The following ATAD5 variants were observed in gnomAD, a reference collection of about 807,000 sequenced individuals.
ATAD5 encodes the protein ATPase family AAA domain containing 5.
ATAD5 carries 58 observed loss-of-function variants against 176.9 expected under a neutral mutation model. That is an observed-to-expected ratio of 0.33 (90% CI 0.27 to 0.41). The LOEUF is 0.41. Ranked by LOEUF, ATAD5 falls within the 10% of genes least tolerant of loss-of-function variation. The pLI, the probability that ATAD5 is intolerant of heterozygous loss-of-function variation, is 1.00. For missense variants in ATAD5, 1,789 were observed against 2,094.1 expected (o/e 0.85, Z 2.84); for synonymous variants, 640 against 712.6 (o/e 0.90, Z 1.62).
chr17:30,876,702 C>CTTT (rs202065630), intron 15 of ATAD5, 152 bp downstream of exon 15: 47 of 127,760 alleles, frequency 3.7e-4, no homozygotes, highest in South Asian at 7.7e-4. Context: ...ATTTTGTTTC[C>CTTT]TTTTTTTTTT....
At chr17:30,869,739 T>A (rs962802431) in intron 14 of ATAD5, 93 bp downstream of exon 14, 64 of 1,401,724 alleles carry the variant, frequency 4.6e-5, no homozygotes, top group Non-Finnish European at 6.1e-5. Context: ...CATTTATTTT[T>A]TATCTTCTAC....
At chr17:30,845,460 CTG>C (rs1302212950) in intron 6 of ATAD5, among the ~76,000 whole-genome samples, 1 of 152,130 alleles carries the variant, frequency 6.6e-6, no homozygotes, top group Non-Finnish European at 1.5e-5. Flanking sequence ...GGAGGAGGAA[CTG>C]TGTTTCAGCC....
Position 30,840,044 on chromosome 17 carries a change from G to A in ATAD5, c.2077-573G>A, listed in dbSNP as rs562556616. The stretch of plus-strand genomic sequence containing the variant: ...CGAACCCCATCTCTACTAAAAATAC[G>A]AAAATTAGCTGGGTGTGGTGGTGTG... On this transcript the variant is annotated intron_variant, in intron 3 of 22. Transcript: ENST00000321990. 1.3e-4 allele frequency among the ~76,000 whole-genome samples: 20 copies of A among 151,718 alleles called. 1 individual carries two copies. The South Asian group carries it at 4.2e-3, about 32-fold the overall frequency.
At chr17:30,836,206 T>C (rs1905735234) in intron 2 of ATAD5, among the ~76,000 whole-genome samples, 158 bp downstream of exon 2, 1 of 150,624 alleles carries the variant, frequency 6.6e-6, no homozygotes, top group South Asian at 2.1e-4. Flanking sequence ...TGAGATGGAG[T>C]CTTGCTGTGT....
intron 4 of ATAD5, among the ~76,000 whole-genome samples, chr17:30,841,383 G>A (rs1035669179): frequency 9.2e-5 from 14 of 152,046 alleles, no homozygotes; most frequent in African/African-American, 3.4e-4. Context: ...ATTGTTATCA[G>A]CTTGAAATAT....
chr17:30,838,995 T>C (rs567290699), intron 3 of ATAD5, among the ~76,000 whole-genome samples: 1 of 152,218 alleles, frequency 6.6e-6, no homozygotes, highest in South Asian at 2.1e-4. Flanking sequence ...TTTCTTTTCG[T>C]TTGTTATTTT....
At chr17:30,847,149 A>G (rs570350489) in intron 6 of ATAD5, among the ~76,000 whole-genome samples, 34 of 152,278 alleles carry the variant, frequency 2.2e-4, no homozygotes, top group African/African-American at 8.2e-4. Flanking sequence ...AATCCCATGC[A>G]ATCTCTTATC....
intron 10 of ATAD5, chr17:30,864,519 G>T (rs1346671889): frequency 3.3e-5 from 5 of 152,114 alleles, no homozygotes; most frequent in Admixed American, 3.3e-4. Flanking sequence ...CCCTTTTGTA[G>T]TCCCCAGTGT....
chr17:30,849,084 T>A (rs890345835), intron 6 of ATAD5, among the ~76,000 whole-genome samples: 32 of 152,146 alleles, frequency 2.1e-4, no homozygotes, highest in African/African-American at 7.0e-4. Context: ...TTGGCCAGAC[T>A]GATTTCGAAT....
At chr17:30,848,011 C>T (rs1402343206) in intron 6 of ATAD5, among the ~76,000 whole-genome samples, 1 of 152,034 alleles carries the variant, frequency 6.6e-6, no homozygotes, top group East Asian at 1.9e-4. Flanking sequence ...CGAGCCACCG[C>T]GCTCCGCCTG....
intron 14 of ATAD5, among the ~76,000 whole-genome samples, chr17:30,871,865 C>A (rs953465444): frequency 6.6e-6 from 1 of 151,772 alleles, no homozygotes; most frequent in African/African-American, 2.4e-5. Flanking sequence ...TATAACTGTT[C>A]GTTAACTTTC....
At position 30,879,486 on chromosome 17, in the gene ATAD5, TG is replaced by T; in HGVS notation, c.4077+1del. 6.3e-7 allele frequency: 1 copy of T among 1,587,650 alleles called. No individual in the cohort carries two copies. The highest frequency in any genetic ancestry group is 1.4e-5 in the African/African-American group (1 of 72,224). ...GAAATCAAGTTCAGTACTCCTTCCC[TG>T]GTAAGTTTTAAATTTTGATAGCCAC... Reference protein sequence around the residue: ...FEEIKFSTPSLLNVASYLQMI... With the variant: ...FEEIKFSTPSXLNVASYLQMI... On this transcript the variant is annotated frameshift_variant and splice_region_variant, in exon 18 of 23. Transcript: ENST00000321990. LOFTEE classifies it high-confidence loss of function.
At chr17:30,859,308 C>A (rs988132534) in intron 9 of ATAD5, among the ~76,000 whole-genome samples, 1 of 152,092 alleles carries the variant, frequency 6.6e-6, no homozygotes, top group African/African-American at 2.4e-5. Context: ...GTATTAAAAT[C>A]TCCAGCTTGC....
At position 30,834,818 on chromosome 17, in the gene ATAD5, C is replaced by G. The variant is rs1013100163; in HGVS notation, c.737C>G (p.Ala246Gly). The change falls in exon 2 of 23, where the codon GCA becomes GGA. Residue 246 changes from alanine to glycine, a missense_variant. Around this residue, in one of 6 missense-constraint regions of ATAD5, gnomAD observed 696 missense variants for 712.5 expected, o/e 0.98. Transcript: ENST00000321990. ...CAGATGGAGAATACTACAAGCCATG[C>G]AAACTCTAGAGATAACGTAACTGAA... ...TKQMENTTSH[A>G]NSRDNVTEAA... The G allele has an allele frequency of 6.2e-7, 1 of 1,613,848 alleles. No homozygotes were observed. Among genetic ancestry groups the G allele is most frequent in the Non-Finnish European group, 8.5e-7 (1 of 1,179,914 alleles).
In ATAD5 at chr17:30,882,301, G is replaced by A. The variant is rs545882939; in HGVS notation, c.4077+2814G>A. Among the ~76,000 whole-genome samples, 6 of 152,032 alleles carry A rather than the reference G, an allele frequency of 3.9e-5. No homozygotes were observed. The South Asian group carries it at 1.0e-3, about 26-fold the overall frequency. ...AAACAGGCTGGGGGCTGTGGCTTAT[G>A]CCTATAATCCTAGCACTTTTGGAGG... is the stretch of plus-strand genomic sequence containing the variant. On this transcript the variant is annotated intron_variant, in intron 18 of 22. Coordinates refer to ENST00000321990, the MANE Select transcript of ATAD5 (RefSeq NM_024857.5).
chr17:30,835,471 C>T lies in ATAD5; in HGVS notation c.1390C>T (p.His464Tyr). The T allele has an allele frequency of 6.2e-7, 1 of 1,609,504 alleles. No homozygotes were observed. Among genetic ancestry groups the T allele is most frequent in the Admixed American group, 1.7e-5 (1 of 59,350 alleles). ...TTCAAAAAATGGCAATTTACAGTTA[C>T]ACACTGATAAAGGAAGTTTTCTGAA... The part of the protein sequence containing the change: ...MVSKNGNLQL[H>Y]TDKGSFLKEK... The change falls in exon 2 of 23, where the codon CAC (histidine) becomes TAC (tyrosine). Residue 464 changes from histidine to tyrosine, a missense_variant. Transcript: ENST00000321990.
intron 14 of ATAD5, among the ~76,000 whole-genome samples, chr17:30,871,136 C>G (rs1908309182): frequency 6.8e-6 from 1 of 147,572 alleles, no homozygotes; most frequent in African/African-American, 2.5e-5. Flanking sequence ...GTTGTTATTA[C>G]TATTCAAGTT....
chr17:30,881,687 C>T (rs1489212653), intron 18 of ATAD5, among the ~76,000 whole-genome samples: 5 of 151,956 alleles, frequency 3.3e-5, no homozygotes, highest in Non-Finnish European at 5.9e-5. Flanking sequence ...CAGAGGCAGG[C>T]GGATCACTTG....
intron 14 of ATAD5, 74 bp from the exon 15 acceptor site, chr17:30,876,300 A>G: frequency 1.5e-6 from 2 of 1,316,486 alleles, no homozygotes; most frequent in Non-Finnish European, 2.1e-6. Flanking sequence ...AGAAATACAG[A>G]ATGTGGCTAA....
Sources: allele counts gnomAD v4.1 joint callset (sites outside exome capture counted in the v4.1 genomes callset), GRCh38; gene constraint gnomAD v4.1.1; regional missense constraint gnomAD v4.1.1; transcripts MANE v1.5; gene names NCBI Gene and HGNC (gene_info 2026-07-23, HGNC 2026-07-21).